ZMAT5: variants seen among roughly 807,000 people sequenced by gnomAD.
ZMAT5 encodes zinc finger matrin-type protein 5.
A neutral mutation model predicts 28.0 loss-of-function variants in ZMAT5; 23 were observed. The ratio of observed to expected loss-of-function variants is 0.82; its 90% CI spans 0.59 to 1.16. The LOEUF (loss-of-function observed/expected upper bound fraction) is 1.16, where lower values mean the gene tolerates loss of function less well. ZMAT5 is among the 50% of genes most tolerant of loss of function. The pLI is 0.00. For synonymous variants in ZMAT5, 76 were observed against 84.1 expected, an observed-to-expected ratio of 0.90 and a Z score of 0.52; for missense variants, 173 against 212.7, an observed-to-expected ratio of 0.81 and a Z score of 1.16.
At chr22:29,742,921 AG>A (rs908440346) in intron 2 of ZMAT5, among the ~76,000 whole-genome samples, 20 of 152,110 alleles carry the variant, frequency 1.3e-4, no homozygotes, top group African/African-American at 4.1e-4. Flanking sequence ...CCTCCCAACT[AG>A]GTGTGACTAC....
At chr22:29,739,067 T>A (rs891785042) in intron 4 of ZMAT5, among the ~76,000 whole-genome samples, 1 of 150,016 alleles carries the variant, frequency 6.7e-6, no homozygotes, top group Non-Finnish European at 1.5e-5. Context: ...GAATCTGAGG[T>A]GCAGGGAGGC....
intron 1 of ZMAT5, among the ~76,000 whole-genome samples, chr22:29,762,716 T>C (rs1473639505): frequency 6.6e-6 from 1 of 152,198 alleles, no homozygotes; most frequent in Non-Finnish European, 1.5e-5. Context: ...CATTATATAT[T>C]ACAATGTAAT....
At chr22:29,749,427 T>C (rs969456819) in intron 1 of ZMAT5, among the ~76,000 whole-genome samples, 4 of 151,998 alleles carry the variant, frequency 2.6e-5, no homozygotes, top group African/African-American at 9.7e-5. Context: ...CGGCCTCCCC[T>C]TTGCTCCTCA....
chr22:29,752,674 T>C (rs1166997543), intron 1 of ZMAT5, among the ~76,000 whole-genome samples: 1 of 152,228 alleles, frequency 6.6e-6, no homozygotes, highest in African/African-American at 2.4e-5. Context: ...CTGGTTCTAA[T>C]ATCCAGTGAT....
chr22:29,756,661 C>T (rs139981370), intron 1 of ZMAT5, among the ~76,000 whole-genome samples: 98 of 152,246 alleles, frequency 6.4e-4, no homozygotes, highest in African/African-American at 2.2e-3. Context: ...GTAATCCCAG[C>T]ACTTTGGGAG....
intron 2 of ZMAT5, chr22:29,746,422 T>C (rs1406249882): frequency 6.6e-6 from 1 of 152,232 alleles, no homozygotes; most frequent in East Asian, 1.9e-4. Flanking sequence ...AGTGCTGGGA[T>C]TACAGGCATG....
chr22:29,761,998 C>T (rs2068161908), intron 1 of ZMAT5, among the ~76,000 whole-genome samples: 1 of 152,082 alleles, frequency 6.6e-6, no homozygotes, highest in Non-Finnish European at 1.5e-5. Flanking sequence ...GAGAATTTTA[C>T]TAAGTCTGTA....
chr22:29,764,661 T>A (rs1026266135), intron 1 of ZMAT5, among the ~76,000 whole-genome samples: 1 of 152,060 alleles, frequency 6.6e-6, no homozygotes, highest in African/African-American at 2.4e-5. Flanking sequence ...CCACCACACC[T>A]GGCTAATTTT....
Position 29,731,356 on chromosome 22 carries a change from T to G in ZMAT5, c.384-2A>C. 1 of 1,480,642 alleles carries G rather than the reference T, an allele frequency of 6.8e-7. No homozygotes were observed. The highest frequency in any genetic ancestry group is 9.0e-7 in the Non-Finnish European group (1 of 1,106,540). 91.7% of individuals were successfully genotyped at this position (1,480,642 alleles called of 1,614,324 possible). On this transcript the variant is annotated splice_acceptor_variant, in intron 5 of 5. Transcript: ENST00000344318. LOFTEE classifies it high-confidence loss of function. ...ACAGTGGTTCTGATGGGTTCAGCCC[T>G]AGAGAGAGAGAGAGAAGCGGGGAGA...
intron 1 of ZMAT5, among the ~76,000 whole-genome samples, chr22:29,756,663 C>A (rs1307580408): frequency 6.6e-6 from 1 of 152,142 alleles, no homozygotes; most frequent in East Asian, 1.9e-4. Flanking sequence ...AATCCCAGCA[C>A]TTTGGGAGGC....
chr22:29,731,467 A>C (rs1187661808), intron 5 of ZMAT5, 113 bp from the exon 6 acceptor site: 2 of 1,407,660 alleles, frequency 1.4e-6, no homozygotes, highest in Non-Finnish European at 1.9e-6. Context: ...AGCTGCCTGC[A>C]TGACTTTTCT....
chr22:29,739,256 G>C (rs1314635264), intron 4 of ZMAT5, among the ~76,000 whole-genome samples: 1 of 152,216 alleles, frequency 6.6e-6, no homozygotes, highest in Non-Finnish European at 1.5e-5. Flanking sequence ...CTGGGTGTGA[G>C]CGTTTGATGG....
chr22:29,752,074 G>A (rs2068060018), intron 1 of ZMAT5, among the ~76,000 whole-genome samples: 1 of 152,128 alleles, frequency 6.6e-6, no homozygotes. Flanking sequence ...CAAGAGGTGT[G>A]GATTATAATC....
chr22:29,732,078 C>T (rs1011416778), intron 5 of ZMAT5, among the ~76,000 whole-genome samples: 1 of 152,224 alleles, frequency 6.6e-6, no homozygotes, highest in African/African-American at 2.4e-5. Context: ...CCTCCGTGCC[C>T]AGCCCGGGGC....
intron 1 of ZMAT5, among the ~76,000 whole-genome samples, chr22:29,760,736 CT>C (rs1569341692): frequency 1.3e-5 from 2 of 152,178 alleles, no homozygotes; most frequent in South Asian, 2.1e-4. Context: ...ACACAGCCCC[CT>C]GGACTCATGT....
intron 4 of ZMAT5, among the ~76,000 whole-genome samples, chr22:29,740,053 T>C (rs949145515): frequency 6.6e-6 from 1 of 152,340 alleles, no homozygotes; most frequent in African/African-American, 2.4e-5. Flanking sequence ...TCAGTCTGAA[T>C]GTTGGCCTTA....
In ZMAT5 at chr22:29,731,172, A is replaced by G; in HGVS notation, c.*53T>C. On this transcript the variant is annotated 3_prime_UTR_variant, in exon 6 of 6. Transcript: ENST00000344318. ...TAGCAGGAACCGGGCTTGGCTTCCTATTGTGACTGATGAGAAAAGTGACCA... is the reference window on the plus strand; with the variant it reads ...TAGCAGGAACCGGGCTTGGCTTCCTGTTGTGACTGATGAGAAAAGTGACCA... The G allele has an allele frequency of 2.8e-6, 4 of 1,449,106 alleles. No homozygotes were observed. The highest frequency in any genetic ancestry group is 2.7e-5 in the East Asian group (1 of 36,440). 89.8% of individuals were successfully genotyped at this position (1,449,106 alleles called of 1,614,324 possible).
intron 5 of ZMAT5, among the ~76,000 whole-genome samples, chr22:29,735,214 C>T (rs921632284): frequency 3.3e-5 from 5 of 152,174 alleles, no homozygotes; most frequent in African/African-American, 4.8e-5. Flanking sequence ...CAGTTATGGA[C>T]GCCCAAGGCA....
chr22:29,755,090 G>A (rs1289934779), intron 1 of ZMAT5, among the ~76,000 whole-genome samples: 1 of 151,962 alleles, frequency 6.6e-6, no homozygotes, highest in East Asian at 1.9e-4. Flanking sequence ...GAGGTCAGGA[G>A]TTTGAGACCA....
Sources: allele counts gnomAD v4.1 joint callset (sites outside exome capture counted in the v4.1 genomes callset), GRCh38; gene constraint gnomAD v4.1.1; transcripts MANE v1.5; gene names NCBI Gene and HGNC (gene_info 2026-07-23, HGNC 2026-07-21).